Variants in CAST observed in about 807,000 individuals in gnomAD.
CAST encodes MIR583 host.
In CAST, 76 loss-of-function variants were observed where a neutral mutation model predicts 119.6. That is an observed-to-expected ratio of 0.64 (90% CI 0.53 to 0.77). CAST has a LOEUF of 0.77. Ranked by LOEUF, CAST falls within the 30% of genes least tolerant of loss-of-function variation. The pLI, the probability that CAST is intolerant of heterozygous loss-of-function variation, is 0.00. For synonymous variants in CAST, 319 were observed against 331.6 expected, an observed-to-expected ratio of 0.96 and a Z score of 0.41; for missense variants, 953 against 946.5, an observed-to-expected ratio of 1.01 and a Z score of -0.09.
the CAST span, among the ~76,000 whole-genome samples, chr5:96,336,361 T>C: frequency 1.3e-5 from 2 of 152,206 alleles, no homozygotes; most frequent in African/African-American, 2.4e-5. Flanking sequence ...AGAGCCTTCA[T>C]GCTTAGGGAG....
the CAST span, among the ~76,000 whole-genome samples, chr5:96,193,071 C>A: frequency 6.6e-6 from 1 of 151,922 alleles, no homozygotes; most frequent in African/African-American, 2.4e-5. Context: ...TTAATACATG[C>A]GTTTAATCAG....
At chr5:96,122,090 G>T in the CAST span, among the ~76,000 whole-genome samples, 1 of 152,096 alleles carries the variant, frequency 6.6e-6, no homozygotes, top group Admixed American at 6.6e-5. Context: ...CTATTTCAGC[G>T]ATTAGTGAGA....
At chr5:96,058,240 A>C in the CAST span, among the ~76,000 whole-genome samples, 1 of 152,118 alleles carries the variant, frequency 6.6e-6, no homozygotes, top group African/African-American at 2.4e-5. Context: ...GTCTCACAGG[A>C]TCACAACACC....
chr5:96,271,524 G>T, the CAST span, among the ~76,000 whole-genome samples: 1 of 152,094 alleles, frequency 6.6e-6, no homozygotes, highest in Non-Finnish European at 1.5e-5. Context: ...TCAATAAATG[G>T]TGCTGGGAAA....
chr5:96,406,750 C>T, the CAST span, among the ~76,000 whole-genome samples: 4 of 152,204 alleles, frequency 2.6e-5, no homozygotes, highest in African/African-American at 9.7e-5. Flanking sequence ...GCTTTGTTCT[C>T]TCTCTAGAGA....
upstream of CAST, among the ~76,000 whole-genome samples, chr5:96,521,206 T>C (rs1020888133): frequency 6.6e-5 from 10 of 152,226 alleles, no homozygotes; most frequent in African/African-American, 2.4e-4. Flanking sequence ...TAAGTGTTGA[T>C]TGAACACCTG....
the CAST span, among the ~76,000 whole-genome samples, chr5:96,065,835 C>A: frequency 1.3e-5 from 2 of 152,106 alleles, no homozygotes; most frequent in Non-Finnish European, 2.9e-5. Flanking sequence ...CCCACAGATC[C>A]TTTTCAAAGC....
chr5:96,395,107 C>T, the CAST span: 1 of 1,098,938 alleles, frequency 9.1e-7, no homozygotes, highest in Non-Finnish European at 1.4e-6. Flanking sequence ...AAAAGGATTT[C>T]ATTGTTAAAA....
chr5:96,654,429 C>T (rs1382688088), intron 1 of CAST, among the ~76,000 whole-genome samples: 1 of 152,108 alleles, frequency 6.6e-6, no homozygotes, highest in Non-Finnish European at 1.5e-5. Context: ...CTGTGGAGTA[C>T]ATAATGAAAG....
chr5:96,068,151 A>T, the CAST span, among the ~76,000 whole-genome samples: 1 of 152,188 alleles, frequency 6.6e-6, no homozygotes, highest in Non-Finnish European at 1.5e-5. Flanking sequence ...ACACATCTTG[A>T]TAACGATCCT....
chr5:96,646,645 T>C (rs570574843), intron 1 of CAST, among the ~76,000 whole-genome samples: 2 of 152,338 alleles, frequency 1.3e-5, no homozygotes, highest in South Asian at 4.1e-4. Flanking sequence ...TAAATAGTGG[T>C]TGCCTCTGGG....
At chr5:96,619,533 T>C (rs1035136751) in intron 1 of CAST, among the ~76,000 whole-genome samples, 4 of 152,220 alleles carry the variant, frequency 2.6e-5, no homozygotes, top group African/African-American at 9.6e-5. Flanking sequence ...TCTTCCACAG[T>C]GTGGTAGCTT....
chr5:96,358,511 A>G, the CAST span, among the ~76,000 whole-genome samples: 1 of 152,194 alleles, frequency 6.6e-6, no homozygotes, highest in Non-Finnish European at 1.5e-5. Context: ...GCTGTGTCGC[A>G]GAGATTCTGG....
the CAST span, among the ~76,000 whole-genome samples, chr5:96,079,691 G>A: frequency 9.2e-5 from 14 of 152,070 alleles, no homozygotes; most frequent in Non-Finnish European, 1.0e-4. Context: ...CATTCTCTAC[G>A]TAATCAAACT....
the CAST span, among the ~76,000 whole-genome samples, chr5:96,434,346 A>G: frequency 6.6e-6 from 1 of 152,212 alleles, no homozygotes; most frequent in Non-Finnish European, 1.5e-5. Context: ...CACACGCAGG[A>G]CTGCCGCAGG....
the CAST span, among the ~76,000 whole-genome samples, chr5:96,150,250 C>A: frequency 6.6e-6 from 1 of 152,328 alleles, no homozygotes; most frequent in East Asian, 1.9e-4. Context: ...AGGTGCTAGA[C>A]TACCTCTGCA....
chr5:96,625,038 A>G (rs1264884179), intron 1 of CAST, among the ~76,000 whole-genome samples: 3 of 152,200 alleles, frequency 2.0e-5, no homozygotes, highest in Non-Finnish European at 4.4e-5. Flanking sequence ...ATGATGCCTT[A>G]TTTGGGTGTA....
In CAST at chr5:96,745,802, C is replaced by T. The variant is rs571227875; in HGVS notation, c.1201-540C>T. 5.9e-5 allele frequency among the ~76,000 whole-genome samples: 9 copies of T among 152,252 alleles called. No homozygotes were observed. The South Asian group carries it at 1.0e-3, about 18-fold the overall frequency. ...GTAAAACAAGTTATCCATGGATCAG[C>T]CAAGATTTGTGATGGGCCGCTTCTC... On this transcript the variant is annotated intron_variant, in intron 16 of 31. Coordinates refer to ENST00000675179, the MANE Select transcript of CAST (RefSeq NM_001750.7).
the CAST span, among the ~76,000 whole-genome samples, chr5:96,317,970 A>G: frequency 3.3e-5 from 5 of 152,334 alleles, no homozygotes; most frequent in South Asian, 2.1e-4. Flanking sequence ...TTCCCAATCC[A>G]TAATGCTGAC....
Sources: allele counts gnomAD v4.1 joint callset (sites outside exome capture counted in the v4.1 genomes callset), GRCh38; gene constraint gnomAD v4.1.1; transcripts MANE v1.5; gene names NCBI Gene and HGNC (gene_info 2026-07-23, HGNC 2026-07-21).